Variants in ADAM8 observed in about 807,000 individuals in gnomAD.
The protein encoded by ADAM8 is disintegrin and metalloproteinase domain-containing protein 8.
ADAM8 carries 104 observed loss-of-function variants against 102.4 expected under a neutral mutation model. The observed-to-expected ratio is 1.02, with a 90% CI of 0.87 to 1.20. The LOEUF (loss-of-function observed/expected upper bound fraction) is 1.20, where lower values mean the gene tolerates loss of function less well. ADAM8 is among the 50% of genes most tolerant of loss of function. The probability of loss-of-function intolerance (pLI) is 0.00; values close to 1 mark genes in which losing one functional copy is unlikely to be tolerated. For synonymous variants in ADAM8, 517 were observed against 485.2 expected, an observed-to-expected ratio of 1.07 and a Z score of -0.86; for missense variants, 1,132 against 1,159.0, an observed-to-expected ratio of 0.98 and a Z score of 0.34.
chr10:133,269,670 G>T, intron 17 of ADAM8, 141 bp from the exon 18 acceptor site: 1 of 963,350 alleles, frequency 1.0e-6, no homozygotes, highest in Non-Finnish European at 1.5e-6. Flanking sequence ...CGACGGCGAG[G>T]CCTCTCCATG....
At chr10:133,269,613 G>A (rs928748997) in intron 17 of ADAM8, 84 bp from the exon 18 acceptor site, 81 of 1,357,808 alleles carry the variant, frequency 6.0e-5, no homozygotes, top group Middle Eastern at 2.3e-4. Flanking sequence ...TGAGGGCCCC[G>A]GGCCAGCCCC....
At chr10:133,263,650 GCA>G (rs1356455863) in intron 22 of ADAM8, 36 bp downstream of exon 22, 13 of 1,523,640 alleles carry the variant, frequency 8.5e-6, no homozygotes, top group Non-Finnish European at 1.1e-5. Flanking sequence ...GCCGTCCATT[GCA>G]CAGTGGACTC....
At chr10:133,269,089 G>C (rs1012910242) in intron 18 of ADAM8, 1 of 985,352 alleles carries the variant, frequency 1.0e-6, no homozygotes, top group Non-Finnish European at 1.2e-6. Flanking sequence ...CTGTGCCTTT[G>C]AGGCCTGATG....
At chr10:133,272,041 C>G (rs1302923254) in intron 10 of ADAM8, 87 bp from the exon 11 acceptor site, 8 of 1,566,112 alleles carry the variant, frequency 5.1e-6, no homozygotes, top group Non-Finnish European at 7.0e-6. Flanking sequence ...GGACTTGGCA[C>G]AGCTTCCCGC....
chr10:133,275,068 G>A (rs568948284), intron 2 of ADAM8: 16 of 282,328 alleles, frequency 5.7e-5, no homozygotes, highest in South Asian at 9.6e-5. Context: ...AATCACCCTC[G>A]GGCAGCCCCA....
chr10:133,273,174 A>T, intron 6 of ADAM8, 80 bp downstream of exon 6: 2 of 1,579,486 alleles, frequency 1.3e-6, no homozygotes, highest in Non-Finnish European at 1.7e-6. Context: ...CACCCAGCAC[A>T]TGGGGAGCCA....
At chr10:133,266,356 G>A (rs1191953293) in intron 21 of ADAM8, among the ~76,000 whole-genome samples, 1 of 152,146 alleles carries the variant, frequency 6.6e-6, no homozygotes, top group Non-Finnish European at 1.5e-5. Flanking sequence ...GGGCATGCAG[G>A]ATTCTCTAGG....
rs1048430833 is a variant in ADAM8, at chr10:133,271,181, G to A, written c.1374+19C>T. ...CCAGCCATGGGCTCTGGGGGTCACT[G>A]GTGGGAGGCTGCACTCACCTTGCAC... On this transcript the variant is annotated intron_variant, in intron 13 of 22. Coordinates refer to ENST00000445355, the MANE Select transcript of ADAM8 (RefSeq NM_001109.5). 3 of 1,606,730 alleles carry A rather than the reference G, an allele frequency of 1.9e-6. No individual in the cohort carries two copies. Among genetic ancestry groups the A allele is most frequent in the Non-Finnish European group, 2.6e-6 (3 of 1,176,254 alleles).
Position 133,273,938 on chromosome 10 carries a change from G to GCC in ADAM8, c.306+11_306+12dup, listed in dbSNP as rs780151487. 1 of 1,587,884 alleles carries GCC rather than the reference G, an allele frequency of 6.3e-7. No homozygotes were observed. The highest frequency in any genetic ancestry group is 1.8e-5 in the Admixed American group (1 of 56,396). On this transcript the variant is annotated intron_variant, in intron 4 of 22. Transcript: ENST00000445355. Reference sequence around the variant, plus strand: ...CCCTACCTGCCCGCCCAGCTGCTCCGCCCGACCCATACCTGCCCGCGAGGC... The same window carrying GCC: ...CCCTACCTGCCCGCCCAGCTGCTCCGCCCCCGACCCATACCTGCCCGCGAGGC...
chr10:133,274,774 T>A, intron 2 of ADAM8: 1 of 377,316 alleles, frequency 2.7e-6, no homozygotes, highest in Non-Finnish European at 5.4e-6. Context: ...CCAGGACCCA[T>A]CCCTTCCAGC....
At chr10:133,273,472 T>C in intron 5 of ADAM8, 29 bp from the exon 6 acceptor site, 1 of 1,517,500 alleles carries the variant, frequency 6.6e-7, no homozygotes, top group Non-Finnish European at 8.9e-7. Flanking sequence ...GGGTGTGCTG[T>C]GGGCTTCAGA....
chr10:133,276,610 G>A (rs1160131518), intron 1 of ADAM8, among the ~76,000 whole-genome samples, 162 bp downstream of exon 1: 1 of 152,222 alleles, frequency 6.6e-6, no homozygotes, highest in Non-Finnish European at 1.5e-5. Context: ...TCTCCACCCA[G>A]AGACCACTGT....
At chr10:133,273,677 C>T (rs1846633892) in intron 5 of ADAM8, 85 bp downstream of exon 5, 1 of 1,431,036 alleles carries the variant, frequency 7.0e-7, no homozygotes, top group South Asian at 1.3e-5. Flanking sequence ...GAGGCACCCT[C>T]CCTGCCTCCC....
rs554491201 is a variant in ADAM8, at chr10:133,275,541, G to T, written c.93C>A (p.Val31=). Residue 31 remains valine, a synonymous_variant, in exon 2 of 23, where the codon GTC becomes GTA. Coordinates refer to ENST00000445355, the MANE Select transcript of ADAM8 (RefSeq NM_001109.5). The part of the protein sequence containing the change: ...RPWALMEQYE[V]VLPWRLPGPR... Reference sequence around the variant, plus strand: ...GGCCTGGCAGACGCCACGGCAACACGACCTCATACTGCTCCATGAGGGCCC... The same window carrying T: ...GGCCTGGCAGACGCCACGGCAACACTACCTCATACTGCTCCATGAGGGCCC... 5.3e-6 allele frequency: 8 copies of T among 1,517,256 alleles called. No homozygotes were observed. In the African/African-American group the frequency reaches 1.1e-4, roughly 22 times the overall value. The allele number at this position is 1,517,256 out of a possible 1,614,324, so 94.0% of individuals were successfully genotyped here.
Position 133,263,691 on chromosome 10 carries a change from A to T in ADAM8, c.2394T>A (p.Ala798=), listed in dbSNP as rs1486643893. ...CTGGTGTGTGCTGGGGCCTCACCTC[A>T]GCTGGACCAGGGTTGGCCGCACCAG... is the stretch of plus-strand genomic sequence containing the variant. ...PGAGAANPGP[A]EGAVGPKVAL... The change falls in exon 22 of 23, where the codon GCT becomes GCA. Residue 798 remains alanine, a synonymous_variant. Coordinates refer to ENST00000445355, the MANE Select transcript of ADAM8 (RefSeq NM_001109.5). 3 of 1,414,602 alleles carry T rather than the reference A, an allele frequency of 2.1e-6. No individual in the cohort carries two copies. Among genetic ancestry groups the T allele is most frequent in the Non-Finnish European group, 2.8e-6 (3 of 1,075,316 alleles). The allele number at this position is 1,414,602 out of a possible 1,614,324, so 87.6% of individuals were successfully genotyped here.
chr10:133,272,688 A>G lies in ADAM8; in HGVS notation c.706-103T>C. On this transcript the variant is annotated intron_variant, in intron 8 of 22. Transcript: ENST00000445355. Reference sequence around the variant, plus strand: ...ACCTGTCCCACGGCGAGGTGGGGCCAGGCACAGGTGCGGGGCAGAGCTGGA... The same window carrying G: ...ACCTGTCCCACGGCGAGGTGGGGCCGGGCACAGGTGCGGGGCAGAGCTGGA... 3 of 1,535,844 alleles carry G rather than the reference A, an allele frequency of 2.0e-6. No individual in the cohort carries two copies. The Admixed American group carries it at 5.3e-5, about 27-fold the overall frequency.
intron 1 of ADAM8, 43 bp from the exon 2 acceptor site, chr10:133,275,630 G>T: frequency 8.5e-7 from 1 of 1,175,292 alleles, no homozygotes; most frequent in Non-Finnish European, 1.2e-6. Context: ...CCGGGGGGCA[G>T]GTTTCCTTCC....
chr10:133,263,822 T>G, intron 21 of ADAM8, 57 bp from the exon 22 acceptor site: 6 of 1,338,774 alleles, frequency 4.5e-6, no homozygotes, highest in Non-Finnish European at 5.0e-6. Context: ...GGCTCTAGCC[T>G]GGACATCACC....
chr10:133,262,775 G>A lies in ADAM8; in HGVS notation c.*381C>T, dbSNP rs1439118111. On this transcript the variant is annotated 3_prime_UTR_variant, in exon 23 of 23. Coordinates refer to ENST00000445355, the MANE Select transcript of ADAM8 (RefSeq NM_001109.5). ...TGTGCTGCCTGGAACCGGGTGCCCA[G>A]GGCAGCCGGCTCAGCAGGCCCCAGA... 4.4e-6 allele frequency: 1 copy of A among 225,528 alleles called. No homozygotes were observed. The highest frequency in any genetic ancestry group is 8.9e-6 in the Non-Finnish European group (1 of 112,306). The allele number at this position is 225,528 out of a possible 1,614,324, so 14.0% of individuals were successfully genotyped here.
Sources: allele counts gnomAD v4.1 joint callset (sites outside exome capture counted in the v4.1 genomes callset), GRCh38; gene constraint gnomAD v4.1.1; transcripts MANE v1.5; gene names NCBI Gene and HGNC (gene_info 2026-07-23, HGNC 2026-07-21).